MPDZ: variants seen among roughly 807,000 people sequenced by gnomAD.
MPDZ encodes the protein multiple PDZ domain protein.
A neutral mutation model predicts 239.1 loss-of-function variants in MPDZ; 234 were observed. The observed-to-expected ratio is 0.98, with a 90% CI of 0.88 to 1.09. The LOEUF is 1.09. Among genes scored for constraint, MPDZ ranks in the 50% least tolerant of loss-of-function variants. The probability of loss-of-function intolerance (pLI) is 0.00; values close to 1 mark genes in which losing one functional copy is unlikely to be tolerated. For missense variants in MPDZ, 3,175 were observed against 2,510.0 expected (o/e 1.26, Z -5.66); for synonymous variants, 1,048 against 881.3 (o/e 1.19, Z -3.35).
At position 13,186,189 on chromosome 9, in the gene MPDZ, G is replaced by A. The variant is rs930648919; in HGVS notation, c.2481+81C>T. 6 of 655,716 alleles carry A rather than the reference G, an allele frequency of 9.2e-6. No homozygotes were observed. The African/African-American group carries it at 9.3e-5, about 10-fold the overall frequency. 40.6% of individuals were successfully genotyped at this position (655,716 alleles called of 1,614,324 possible). A position where few individuals can be genotyped will look rare whatever the true frequency, so the allele number is the denominator to read the frequency against. Reference sequence around the variant, plus strand: ...ATAATAATGAACAAAGAATATAATAGACTTCTTCAGAATATTTTGAAAGGC... The same window carrying A: ...ATAATAATGAACAAAGAATATAATAAACTTCTTCAGAATATTTTGAAAGGC... On this transcript the variant is annotated intron_variant, in intron 18 of 46. Transcript: ENST00000319217.
intron 19 of MPDZ, among the ~76,000 whole-genome samples, chr9:13,176,898 T>C (rs1952573947): frequency 6.6e-6 from 1 of 152,162 alleles, no homozygotes; most frequent in Non-Finnish European, 1.5e-5. Flanking sequence ...ATTATTTTGA[T>C]AGGCATTTAT....
chr9:13,189,059 C>T (rs1033992795), intron 16 of MPDZ, 66 bp from the exon 17 acceptor site: 2 of 1,386,932 alleles, frequency 1.4e-6, no homozygotes, highest in Non-Finnish European at 9.9e-7. Context: ...AGGTCGTCCA[C>T]TCTAAATCGT....
chr9:13,254,711 A>G (rs1422465613), intron 1 of MPDZ, among the ~76,000 whole-genome samples: 1 of 152,194 alleles, frequency 6.6e-6, no homozygotes, highest in Non-Finnish European at 1.5e-5. Context: ...TGTTTACACT[A>G]CACTGTAGTC....
intron 24 of MPDZ, among the ~76,000 whole-genome samples, chr9:13,154,882 T>C (rs1176818152): frequency 6.6e-6 from 1 of 152,074 alleles, no homozygotes; most frequent in Admixed American, 6.6e-5. Context: ...GTAACAAGAA[T>C]GTGGGGAAAA....
At chr9:13,179,667 G>C (rs1335838229) in intron 19 of MPDZ, among the ~76,000 whole-genome samples, 3 of 152,090 alleles carry the variant, frequency 2.0e-5, no homozygotes, top group African/African-American at 4.8e-5. Flanking sequence ...CTAAAGTGAA[G>C]TCTTTCAAAA....
chr9:13,135,937 G>A, intron 31 of MPDZ, 155 bp downstream of exon 31: 1 of 535,300 alleles, frequency 1.9e-6, no homozygotes, highest in East Asian at 3.0e-5. Flanking sequence ...TTCCATGAGT[G>A]TCTTCTTATA....
chr9:13,183,433 T>C lies in MPDZ; in HGVS notation c.2634A>G (p.Pro878=). ...GDGLNYGSSL[P]SSPPKDVIEN... ...TCCTTTGTACCTTAGGAGGAGATGA[T>C]GGAAGGGAAGAACCATAGTTCAGGC... Residue 878 remains proline, a synonymous_variant, in exon 19 of 47, where the codon CCA becomes CCG. Transcript: ENST00000319217. 1 of 1,606,800 alleles carries C rather than the reference T, an allele frequency of 6.2e-7. No individual in the cohort carries two copies. The highest frequency in any genetic ancestry group is 8.5e-7 in the Non-Finnish European group (1 of 1,177,470).
intron 12 of MPDZ, among the ~76,000 whole-genome samples, chr9:13,200,183 G>C (rs1394071441): frequency 6.6e-6 from 1 of 151,858 alleles, no homozygotes; most frequent in Admixed American, 6.6e-5. Context: ...TCGGTAGACT[G>C]TAAGTGTCCA....
chr9:13,190,221 T>C lies in MPDZ; in HGVS notation c.2047A>G (p.Ser683Gly). The C allele has an allele frequency of 6.2e-7, 1 of 1,612,970 alleles. No individual in the cohort carries two copies. The highest frequency in any genetic ancestry group is 1.1e-5 in the South Asian group (1 of 90,984). ...AAAGGTGCTTGAACCTCTTCTGTAC[T>C]CTGACCCGCATCAGTCATCGCCAGC... ...PVLAMTDAGQ[S>G]TEEVQAPLAM... Residue 683 changes from serine (S) to glycine (G), a missense_variant, in exon 16 of 47, where the codon AGT becomes GGT. Transcript: ENST00000319217.
chr9:13,258,070 T>G (rs908420234), intron 1 of MPDZ, among the ~76,000 whole-genome samples: 1 of 152,206 alleles, frequency 6.6e-6, no homozygotes, highest in South Asian at 2.1e-4. Flanking sequence ...AACAACTTGT[T>G]GGTAACACTA....
rs76837840 is a variant in MPDZ at position 13,263,795 on chromosome 9, TG to T, written c.-57-13424del. Among the ~76,000 whole-genome samples, 2,558 of 152,306 alleles carry T rather than the reference TG, an allele frequency of 0.017. 114 individuals are homozygous for T. The East Asian group carries it at 0.18, about 11-fold the overall frequency. On this transcript the variant is annotated intron_variant, in intron 1 of 46. Transcript: ENST00000319217. ...TCAAAAACCCCACCTTTGTGAATTATGGGGGATCCCAAGACAGTATAAATAT... is the reference window on the plus strand; with the variant it reads ...TCAAAAACCCCACCTTTGTGAATTATGGGGATCCCAAGACAGTATAAATAT...
chr9:13,140,051 T>C lies in MPDZ; in HGVS notation c.3939A>G (p.Thr1313=), dbSNP rs749810390. ...GTGAGATTTTGCTTGCAGATGACTG[T>C]GTGTGATCACTACCCATTTCGGCAA... ...SAFAEMGSDH[T]QSSASKISQD... Residue 1313 remains threonine (T), a synonymous_variant, in exon 28 of 47, where the codon ACA becomes ACG. Transcript: ENST00000319217. The C allele has an allele frequency of 5.6e-6, 9 of 1,612,986 alleles. No individual in the cohort carries two copies. The highest frequency in any genetic ancestry group is 7.6e-6 in the Non-Finnish European group (9 of 1,179,710).
chr9:13,267,101 T>C (rs978597820), intron 1 of MPDZ, among the ~76,000 whole-genome samples: 28 of 152,362 alleles, frequency 1.8e-4, no homozygotes, highest in African/African-American at 6.7e-4. Context: ...ATCTATTATT[T>C]GGGGTTCTTA....
At chr9:13,110,790 T>C (rs1001445707) in intron 43 of MPDZ, 50 bp from the exon 44 acceptor site, 3 of 1,394,640 alleles carry the variant, frequency 2.2e-6, no homozygotes, top group Non-Finnish European at 3.0e-6. Flanking sequence ...CCATGGAGAG[T>C]GGGTCTTTGA....
chr9:13,178,687 T>C (rs1027025656), intron 19 of MPDZ, among the ~76,000 whole-genome samples: 2 of 152,214 alleles, frequency 1.3e-5, no homozygotes, highest in Admixed American at 6.5e-5. Flanking sequence ...CAGGTATTTA[T>C]GGTGACGAAT....
At chr9:13,140,406 ATATG>A (rs1242932511) in intron 27 of MPDZ, among the ~76,000 whole-genome samples, 38 of 133,340 alleles carry the variant, frequency 2.8e-4, no homozygotes, top group South Asian at 1.5e-3. Flanking sequence ...ATATATATAT[ATATG>A]TATATATATG....
At position 13,210,303 on chromosome 9, in the gene MPDZ, G is replaced by C. The variant is rs1048796041; in HGVS notation, c.1291-4204C>G. Among the ~76,000 whole-genome samples the C allele has an allele frequency of 3.9e-5, 6 of 152,118 alleles. No homozygotes were observed. The East Asian group carries it at 1.2e-3, about 29-fold the overall frequency. On this transcript the variant is annotated intron_variant, in intron 10 of 46. Coordinates refer to ENST00000319217, the MANE Select transcript of MPDZ (RefSeq NM_001378778.1). Reference sequence around the variant, plus strand: ...TTATTAATATCCTATATCAAAGCAAGTTGTAAAAAGGGCCACCAAGCGGAA... The same window carrying C: ...TTATTAATATCCTATATCAAAGCAACTTGTAAAAAGGGCCACCAAGCGGAA...
chr9:13,125,135 C>A, intron 35 of MPDZ, 81 bp downstream of exon 35: 2 of 1,325,882 alleles, frequency 1.5e-6, no homozygotes, highest in Non-Finnish European at 2.0e-6. Context: ...CACAGGTAGG[C>A]AGCTGGCTCC....
At chr9:13,208,689 A>G (rs905676641) in intron 10 of MPDZ, among the ~76,000 whole-genome samples, 2 of 149,558 alleles carry the variant, frequency 1.3e-5, no homozygotes, top group Admixed American at 6.7e-5. Flanking sequence ...AATATATATA[A>G]CAACAATATA....
Sources: gnomAD v4.1 joint callset for allele counts (sites outside exome capture counted in the v4.1 genomes callset) on GRCh38, gnomAD v4.1.1 for gene constraint, MANE v1.5 for transcripts, NCBI Gene and HGNC (gene_info 2026-07-23, HGNC 2026-07-21) for gene names.